Variants in PHACTR1 observed in about 807,000 individuals in gnomAD.
The protein encoded by PHACTR1 is RPEL repeat containing 1.
PHACTR1 carries 16 observed loss-of-function variants against 69.2 expected under a neutral mutation model. That is an observed-to-expected ratio of 0.23 (90% CI 0.16 to 0.35). The LOEUF (loss-of-function observed/expected upper bound fraction) is 0.35. Among genes scored for constraint, PHACTR1 ranks in the 10% least tolerant of loss-of-function variants. PHACTR1 has a pLI of 1.00. For missense variants in PHACTR1, 510 were observed against 734.7 expected (o/e 0.69, Z 3.54); for synonymous variants, 312 against 284.5 (o/e 1.10, Z -0.97).
chr6:12,915,421 C>T (rs1394802375), intron 4 of PHACTR1, among the ~76,000 whole-genome samples: 1 of 150,270 alleles, frequency 6.7e-6, no homozygotes, highest in African/African-American at 2.5e-5. Flanking sequence ...GCAGGAGAAT[C>T]GCTTGAACCC....
At chr6:12,944,730 G>A (rs1790422206) in intron 4 of PHACTR1, among the ~76,000 whole-genome samples, 1 of 151,762 alleles carries the variant, frequency 6.6e-6, no homozygotes, top group Non-Finnish European at 1.5e-5. Flanking sequence ...TGAAAGGAGC[G>A]GTGAAGACGT....
At chr6:12,762,404 T>C (rs1283201661) in intron 4 of PHACTR1, among the ~76,000 whole-genome samples, 2 of 152,254 alleles carry the variant, frequency 1.3e-5, no homozygotes, top group Non-Finnish European at 2.9e-5. Flanking sequence ...CACATGATTT[T>C]CATGGCTGTA....
chr6:13,252,772 G>T (rs1774660413), intron 10 of PHACTR1, among the ~76,000 whole-genome samples: 1 of 152,124 alleles, frequency 6.6e-6, no homozygotes, highest in African/African-American at 2.4e-5. Flanking sequence ...GGGCTACAAG[G>T]CTATTGGCTT....
intron 4 of PHACTR1, among the ~76,000 whole-genome samples, chr6:12,907,437 A>G (rs1011229759): frequency 6.6e-6 from 1 of 152,158 alleles, no homozygotes; most frequent in Admixed American, 6.5e-5. Context: ...TTTTATTTCT[A>G]TGTAGTTATT....
At chr6:13,127,146 C>A (rs982746712) in intron 5 of PHACTR1, among the ~76,000 whole-genome samples, 1 of 152,082 alleles carries the variant, frequency 6.6e-6, no homozygotes. Flanking sequence ...GATAAGGGTT[C>A]GTTTAACAAG....
chr6:13,115,250 G>C (rs139166203), intron 5 of PHACTR1, among the ~76,000 whole-genome samples: 8 of 152,244 alleles, frequency 5.3e-5, no homozygotes, highest in African/African-American at 1.2e-4. Flanking sequence ...AGAACTGTTT[G>C]GTTGAAGACT....
chr6:12,849,184 G>C (rs943867778), intron 4 of PHACTR1, among the ~76,000 whole-genome samples: 1 of 152,282 alleles, frequency 6.6e-6, no homozygotes, highest in East Asian at 1.9e-4. Context: ...AGCTCCCTAG[G>C]AGCGTGTGAA....
chr6:12,754,719 A>C (rs1237720579), intron 4 of PHACTR1, among the ~76,000 whole-genome samples: 1 of 152,254 alleles, frequency 6.6e-6, no homozygotes, highest in Non-Finnish European at 1.5e-5. Context: ...TGTGGATTCA[A>C]CCAACCAGGG....
chr6:12,847,130 T>C (rs764505986), intron 4 of PHACTR1, among the ~76,000 whole-genome samples: 3 of 152,234 alleles, frequency 2.0e-5, no homozygotes, highest in Non-Finnish European at 2.9e-5. Flanking sequence ...ACTTGCTTTT[T>C]TTCTTTTGTT....
intron 4 of PHACTR1, among the ~76,000 whole-genome samples, chr6:12,806,510 G>T (rs1320959372): frequency 1.3e-5 from 2 of 152,028 alleles, no homozygotes; most frequent in Non-Finnish European, 2.9e-5. Flanking sequence ...TAGAGAGGGG[G>T]TCTTGTTATG....
chr6:13,000,614 G>GAGGGAGGAAGGA (rs1797963977), intron 4 of PHACTR1, among the ~76,000 whole-genome samples: 1 of 103,650 alleles, frequency 9.6e-6, no homozygotes, highest in Non-Finnish European at 1.8e-5. Flanking sequence ...GGAGGGAAGG[G>GAGGGAGGAAGGA]AGGAAGGAAG....
chr6:12,790,837 G>A (rs935945649), intron 4 of PHACTR1, among the ~76,000 whole-genome samples: 1 of 152,182 alleles, frequency 6.6e-6, no homozygotes, highest in African/African-American at 2.4e-5. Flanking sequence ...AGCCTTGCTG[G>A]TTTAGCTTGG....
intron 4 of PHACTR1, among the ~76,000 whole-genome samples, chr6:12,930,441 C>T (rs957501341): frequency 1.3e-5 from 2 of 152,150 alleles, no homozygotes; most frequent in African/African-American, 4.8e-5. Context: ...AACAATTACA[C>T]CAGTACTTGG....
intron 10 of PHACTR1, among the ~76,000 whole-genome samples, chr6:13,256,644 T>C (rs1775233656): frequency 6.6e-6 from 1 of 152,216 alleles, no homozygotes; most frequent in South Asian, 2.1e-4. Context: ...ATCATCACTC[T>C]CAAGTTCAAA....
At chr6:12,800,693 C>T (rs1367738239) in intron 4 of PHACTR1, among the ~76,000 whole-genome samples, 2 of 152,064 alleles carry the variant, frequency 1.3e-5, no homozygotes, top group Non-Finnish European at 2.9e-5. Flanking sequence ...CAAGACCAGC[C>T]TGGGCAACAT....
intron 7 of PHACTR1, among the ~76,000 whole-genome samples, chr6:13,193,357 G>GTATATGTATATATATA (rs1554152202): frequency 1.0e-4 from 7 of 68,160 alleles, no homozygotes; most frequent in Admixed American, 1.9e-4. Flanking sequence ...AGCTCTCTGT[G>GTATATGTATATATATA]TATATATATA....
chr6:13,125,515 C>CT lies in PHACTR1; in HGVS notation c.416-34686dup, dbSNP rs563686841. Among the ~76,000 whole-genome samples the CT allele has an allele frequency of 7.7e-4, 117 of 152,258 alleles. 3 individuals are homozygous for CT. In the South Asian group the frequency reaches 0.023, roughly 30 times the overall value. Reference sequence around the variant, plus strand: ...TAATTTATAATTTCTACTCCTATGACTTTATCTTCTGTCTCCCTCCAGCAA... The same window carrying CT: ...TAATTTATAATTTCTACTCCTATGACTTTTATCTTCTGTCTCCCTCCAGCAA... On this transcript the variant is annotated intron_variant, in intron 5 of 14. Transcript: ENST00000332995.
chr6:13,079,841 G>C (rs1031001541), intron 5 of PHACTR1, among the ~76,000 whole-genome samples: 1 of 152,166 alleles, frequency 6.6e-6, no homozygotes, highest in African/African-American at 2.4e-5. Context: ...CCTTGAACAA[G>C]TGAGTTCACC....
intron 4 of PHACTR1, among the ~76,000 whole-genome samples, chr6:12,829,003 T>C (rs1320672871): frequency 3.3e-5 from 5 of 152,196 alleles, no homozygotes; most frequent in Non-Finnish European, 7.3e-5. Context: ...ATGGGTATCC[T>C]AGTTACCCTG....
Sources: allele counts gnomAD v4.1 joint callset (sites outside exome capture counted in the v4.1 genomes callset), GRCh38; gene constraint gnomAD v4.1.1; transcripts MANE v1.5; gene names NCBI Gene and HGNC (gene_info 2026-07-23, HGNC 2026-07-21).